ZNF587: variants seen among roughly 807,000 people sequenced by gnomAD.
ZNF587 encodes zinc finger protein 587.
Under a neutral mutation model 7.5 loss-of-function variants are expected in ZNF587, and 8 were observed. The observed-to-expected ratio is 1.06, with a 90% CI of 0.62 to 1.92. ZNF587 has a LOEUF of 1.92. Ranked by LOEUF, ZNF587 falls within the 40% of genes most tolerant of loss-of-function variation. The probability of loss-of-function intolerance (pLI) is 0.00; values close to 1 mark genes in which losing one functional copy is unlikely to be tolerated. For missense variants in ZNF587, 468 were observed against 692.8 expected (o/e 0.68, Z 3.64); for synonymous variants, 145 against 237.8 (o/e 0.61, Z 3.59).
In ZNF587 at chr19:57,862,654, G is replaced by A. The variant is rs1160831211; in HGVS notation, c.*2514G>A. Reference sequence around the variant, plus strand: ...CATGAATGTCGACACTGCAGCCACAGTTTTGGCCGTAAATGTGAATTTGGC... The same window carrying A: ...CATGAATGTCGACACTGCAGCCACAATTTTGGCCGTAAATGTGAATTTGGC... On this transcript the variant is annotated 3_prime_UTR_variant, in exon 3 of 3. Transcript: ENST00000339656. 1 of 154,940 alleles carries A rather than the reference G, an allele frequency of 6.5e-6. No homozygotes were observed. The highest frequency in any genetic ancestry group is 2.4e-5 in the African/African-American group (1 of 41,506). The allele number at this position is 154,940 out of a possible 1,614,324, so 9.6% of individuals were successfully genotyped here. A position where few individuals can be genotyped will look rare whatever the true frequency, so the allele number is the denominator to read the frequency against.
At position 57,862,229 on chromosome 19, in the gene ZNF587, CCTTA is replaced by C. The variant is rs1221105884; in HGVS notation, c.*2092_*2095del. 5 of 152,154 alleles carry C rather than the reference CCTTA, an allele frequency of 3.3e-5. No individual in the cohort carries two copies. Among genetic ancestry groups the C allele is most frequent in the African/African-American group, 2.4e-5 (1 of 41,424 alleles). The allele number at this position is 152,154 out of a possible 1,614,324, so 9.4% of individuals were successfully genotyped here. A position where few individuals can be genotyped will look rare whatever the true frequency, so the allele number is the denominator to read the frequency against. Reference sequence around the variant, plus strand: ...TCTTTTCAACATCTTTCTAAGATTACCTTACTATTTCTTTTGTTCCAAGTTTGTA... The same window carrying C: ...TCTTTTCAACATCTTTCTAAGATTACCTATTTCTTTTGTTCCAAGTTTGTA... On this transcript the variant is annotated 3_prime_UTR_variant, in exon 3 of 3. Coordinates refer to ENST00000339656, the MANE Select transcript of ZNF587 (RefSeq NM_032828.4).
chr19:57,860,303 C>G lies in ZNF587; in HGVS notation c.*163C>G, dbSNP rs771053758. The G allele has an allele frequency of 1.4e-5, 20 of 1,389,038 alleles. No homozygotes were observed. The highest frequency in any genetic ancestry group is 1.9e-5 in the Non-Finnish European group (19 of 1,011,122). The allele number at this position is 1,389,038 out of a possible 1,614,324, so 86.0% of individuals were successfully genotyped here. ...CTTCGTGTTGAGATGGAGTCTTGTT[C>G]TGTCACCCAGGCTGGAGTGCAGTGG... On this transcript the variant is annotated 3_prime_UTR_variant, in exon 3 of 3. Coordinates refer to ENST00000339656, the MANE Select transcript of ZNF587 (RefSeq NM_032828.4).
Position 57,856,093 on chromosome 19 carries a change from C to T in ZNF587, c.34-11C>T. 1 of 1,612,476 alleles carries T rather than the reference C, an allele frequency of 6.2e-7. No individual in the cohort carries two copies. Among genetic ancestry groups the T allele is most frequent in the Non-Finnish European group, 8.5e-7 (1 of 1,179,458 alleles). On this transcript the variant is annotated splice_polypyrimidine_tract_variant and intron_variant, in intron 1 of 2. Coordinates refer to ENST00000339656, the MANE Select transcript of ZNF587 (RefSeq NM_032828.4). ...AGGGGCTGCTTGTGGTTTCATCTGT[C>T]ACTATCATAGCAGGGCACTGTGACC... is the stretch of plus-strand genomic sequence containing the variant.
In ZNF587 at chr19:57,860,712, C is replaced by T. The variant is rs534041261; in HGVS notation, c.*572C>T. ...AGCCTGGGCAACATAGCCAGACCTC[C>T]TCTCTACAAAAAGAAAAAAGAATGA... On this transcript the variant is annotated 3_prime_UTR_variant, in exon 3 of 3. Coordinates refer to ENST00000339656, the MANE Select transcript of ZNF587 (RefSeq NM_032828.4). 2.1e-3 allele frequency: 324 copies of T among 155,086 alleles called. 3 individuals are homozygous for T. The highest frequency in any genetic ancestry group is 1.8e-3 in the Non-Finnish European group (129 of 69,840). The allele number at this position is 155,086 out of a possible 1,614,324, so 9.6% of individuals were successfully genotyped here. A position where few individuals can be genotyped will look rare whatever the true frequency, so the allele number is the denominator to read the frequency against.
At position 57,855,565 on chromosome 19, in the gene ZNF587, G is replaced by T. The variant is rs544396248; in HGVS notation, c.34-539G>T. ...TCAGAAGGGGGTGTGGGCTTTTTTT[G>T]TTTTTTTTTTTTTTGAGATGGTGTC... On this transcript the variant is annotated intron_variant, in intron 1 of 2. Transcript: ENST00000339656. 8.3e-3 allele frequency among the ~76,000 whole-genome samples: 1,144 copies of T among 137,318 alleles called. 10 individuals carry two copies. The highest frequency in any genetic ancestry group is 0.028 in the African/African-American group (1,015 of 36,858). 90.1% of individuals were successfully genotyped at this position (137,318 alleles called of 152,430 possible).
rs2071421491 is a variant in ZNF587, at chr19:57,860,599, A to T, written c.*459A>T. The T allele has an allele frequency of 1.1e-5, 2 of 189,656 alleles. No individual in the cohort carries two copies. Among genetic ancestry groups the T allele is most frequent in the African/African-American group, 2.4e-5 (1 of 42,302 alleles). The allele number at this position is 189,656 out of a possible 1,614,324, so 11.7% of individuals were successfully genotyped here. Reference sequence around the variant, plus strand: ...CTTTTCGTATTGCTTAGAATATGACATGCTGAACCAGGCATGGTGGCTCAT... The same window carrying T: ...CTTTTCGTATTGCTTAGAATATGACTTGCTGAACCAGGCATGGTGGCTCAT... On this transcript the variant is annotated 3_prime_UTR_variant, in exon 3 of 3. Coordinates refer to ENST00000339656, the MANE Select transcript of ZNF587 (RefSeq NM_032828.4).
Position 57,859,404 on chromosome 19 carries a change from A to T in ZNF587, c.992A>T (p.Lys331Ile). Reference sequence around the variant, plus strand: ...CCTTATGAGTGTAGAGAATGTGGGAAATCTTTTGGTCAAAAGGGTAACCTC... The same window carrying T: ...CCTTATGAGTGTAGAGAATGTGGGATATCTTTTGGTCAAAAGGGTAACCTC... The part of the protein sequence containing the change: ...EGPYECRECG[K>I]SFGQKGNLIQ... The change falls in exon 3 of 3, where the codon AAA (lysine) becomes ATA (isoleucine). Residue 331 changes from lysine to isoleucine, a missense_variant. Lys to Ile is a moderately radical substitution (Grantham distance 102). This residue lies in a region of ZNF587 where 310 missense variants were observed against 325.6 expected (regional missense o/e 0.95). Coordinates refer to ENST00000339656, the MANE Select transcript of ZNF587 (RefSeq NM_032828.4). The T allele has an allele frequency of 6.2e-7, 1 of 1,609,232 alleles. No homozygotes were observed. The highest frequency in any genetic ancestry group is 8.5e-7 in the Non-Finnish European group (1 of 1,179,836).
chr19:57,859,753 G>C lies in ZNF587; in HGVS notation c.1341G>C (p.Arg447Ser). 6.2e-7 allele frequency: 1 copy of C among 1,613,762 alleles called. No homozygotes were observed. Among genetic ancestry groups the C allele is most frequent in the Non-Finnish European group, 8.5e-7 (1 of 1,179,964 alleles). Residue 447 changes from arginine (R) to serine (S), a missense_variant, in exon 3 of 3, where the codon AGG becomes AGC. Physicochemically the swap from Arg to Ser is moderately radical, Grantham distance 110. Coordinates refer to ENST00000339656, the MANE Select transcript of ZNF587 (RefSeq NM_032828.4). ...GGGAATGTGGGAAATTATTTAACAG[G>C]AAGTATCATCTTCTGGTTCATGAGA... ...NCRECGKLFN[R>S]KYHLLVHERV...
chr19:57,858,477 C>G, intron 2 of ZNF587, 99 bp from the exon 3 acceptor site: 2 of 1,514,618 alleles, frequency 1.3e-6, no homozygotes, highest in South Asian at 1.4e-5. Flanking sequence ...GCAAATATTT[C>G]TATAGATTAA....
In ZNF587 at chr19:57,850,032, T is replaced by G. The variant is rs190896843; in HGVS notation, c.-7T>G. ...TGCTCCCGGGCCGTGCTTCCCCAAGTAGTCCGATGGCAGCGGCTGTGCCGA... is the reference window on the plus strand; with the variant it reads ...TGCTCCCGGGCCGTGCTTCCCCAAGGAGTCCGATGGCAGCGGCTGTGCCGA... On this transcript the variant is annotated 5_prime_UTR_variant, in exon 1 of 3. Coordinates refer to ENST00000339656, the MANE Select transcript of ZNF587 (RefSeq NM_032828.4). The G allele has an allele frequency of 6.2e-7, 1 of 1,614,230 alleles. No individual in the cohort carries two copies. Among genetic ancestry groups the G allele is most frequent in the Non-Finnish European group, 8.5e-7 (1 of 1,180,046 alleles).
intron 1 of ZNF587, chr19:57,851,896 A>C (rs188984017): frequency 8.8e-4 from 137 of 155,646 alleles, no homozygotes; most frequent in Non-Finnish European, 1.5e-3. Flanking sequence ...TTTTGCACTG[A>C]GAAAAGCAGG....
intron 1 of ZNF587, chr19:57,850,746 C>T: frequency 2.5e-6 from 1 of 395,270 alleles, no homozygotes. Flanking sequence ...GGGCTCCACC[C>T]AGTTTATTGG....
In ZNF587 at chr19:57,852,748, G is replaced by A. The variant is rs1047475591; in HGVS notation, c.33+2677G>A. Among the ~76,000 whole-genome samples, 46 of 143,122 alleles carry A rather than the reference G, an allele frequency of 3.2e-4. 1 individual carries two copies. Among genetic ancestry groups the A allele is most frequent in the East Asian group, 1.1e-3 (5 of 4,704 alleles). 93.9% of individuals were successfully genotyped at this position (143,122 alleles called of 152,430 possible). ...TTACCATGTTGGCCAGGCTGGTCTCGAACTCCTGACCTCAAGTGATCGTCA... is the reference window on the plus strand; with the variant it reads ...TTACCATGTTGGCCAGGCTGGTCTCAAACTCCTGACCTCAAGTGATCGTCA... On this transcript the variant is annotated intron_variant, in intron 1 of 2. Coordinates refer to ENST00000339656, the MANE Select transcript of ZNF587 (RefSeq NM_032828.4).
Position 57,859,361 on chromosome 19 carries a change from G to C in ZNF587, c.949G>C (p.Val317Leu), listed in dbSNP as rs1362027790. ...QKGSLISHQL[V>L]HTGEGPYECR... ...GGGCAGCCTTATTAGCCATCAGCTT[G>C]TTCACACTGGAGAAGGGCCTTATGA... is the stretch of plus-strand genomic sequence containing the variant. Residue 317 changes from valine (V) to leucine (L), a missense_variant, in exon 3 of 3, where the codon GTT (valine) becomes CTT (leucine). Transcript: ENST00000339656. 4 of 1,611,556 alleles carry C rather than the reference G, an allele frequency of 2.5e-6. No homozygotes were observed. Among genetic ancestry groups the C allele is most frequent in the Admixed American group, 3.3e-5 (2 of 59,774 alleles).
intron 2 of ZNF587, 68 bp downstream of exon 2, chr19:57,856,301 G>T (rs773081878): frequency 6.5e-7 from 1 of 1,529,548 alleles, no homozygotes; most frequent in Non-Finnish European, 8.8e-7. Context: ...TCATTGACAG[G>T]ACTGTCTTTC....
intron 2 of ZNF587, among the ~76,000 whole-genome samples, chr19:57,857,486 G>A (rs2071373660): frequency 6.6e-6 from 1 of 151,766 alleles, no homozygotes; most frequent in Non-Finnish European, 1.5e-5. Context: ...TTGGTGTATT[G>A]ATTACGTATT....
intron 1 of ZNF587, chr19:57,850,276 A>G (rs1315769698): frequency 6.4e-6 from 5 of 787,070 alleles, no homozygotes; most frequent in Non-Finnish European, 8.2e-6. Flanking sequence ...AAGACTGGGG[A>G]ATTGCGATGG....
Position 57,850,712 on chromosome 19 carries a change from G to A in ZNF587, c.33+641G>A, listed in dbSNP as rs141017663. 1,685 of 396,776 alleles carry A rather than the reference G, an allele frequency of 4.2e-3. 35 individuals carry two copies. The highest frequency in any genetic ancestry group is 0.031 in the African/African-American group (1,523 of 48,730). The allele number at this position is 396,776 out of a possible 1,614,324, so 24.6% of individuals were successfully genotyped here. A position where few individuals can be genotyped will look rare whatever the true frequency, so the allele number is the denominator to read the frequency against. ...GGTCCAGGTGGCCAGAGCATTGGAGGCTTCCTGGCGGCCCAGAGCTCTTGG... is the reference window on the plus strand; with the variant it reads ...GGTCCAGGTGGCCAGAGCATTGGAGACTTCCTGGCGGCCCAGAGCTCTTGG... On this transcript the variant is annotated intron_variant, in intron 1 of 2. Transcript: ENST00000339656.
Position 57,856,171 on chromosome 19 carries a change from A to G in ZNF587, c.101A>G (p.Glu34Gly), listed in dbSNP as rs753922926. ...CAGGAGGAGTGGTGTCTTCTTAGTG[A>G]GGCTCAGAGGTGCTTGTACCGTGAT... Reference protein sequence around the residue: ...FSQEEWCLLSEAQRCLYRDVM... With the variant: ...FSQEEWCLLSGAQRCLYRDVM... The change falls in exon 2 of 3, where the codon GAG (glutamate) becomes GGG (glycine). Residue 34 changes from glutamate (E) to glycine (G), a missense_variant. Coordinates refer to ENST00000339656, the MANE Select transcript of ZNF587 (RefSeq NM_032828.4). The G allele has an allele frequency of 1.2e-6, 2 of 1,612,528 alleles. No individual in the cohort carries two copies. Among genetic ancestry groups the G allele is most frequent in the South Asian group, 2.2e-5 (2 of 91,008 alleles).
Sources: allele counts gnomAD v4.1 joint callset (sites outside exome capture counted in the v4.1 genomes callset), GRCh38; gene constraint gnomAD v4.1.1; regional missense constraint gnomAD v4.1.1; transcripts MANE v1.5; gene names NCBI Gene and HGNC (gene_info 2026-07-23, HGNC 2026-07-21).